The following ZNF804B variants were observed in gnomAD, a reference collection of about 807,000 sequenced individuals.
The protein encoded by ZNF804B is zinc finger 804B.
ZNF804B carries 80 observed loss-of-function variants against 101.4 expected under a neutral mutation model. That is an observed-to-expected ratio of 0.79 (90% CI 0.66 to 0.95). ZNF804B has a LOEUF of 0.95. Ranked by LOEUF, ZNF804B falls within the 40% of genes least tolerant of loss-of-function variation. The pLI, the probability that ZNF804B is intolerant of heterozygous loss-of-function variation, is 0.00. For missense variants in ZNF804B, 1,673 were observed against 1,561.9 expected, an observed-to-expected ratio of 1.07 and a Z score of -1.20; for synonymous variants, 622 against 558.8, an observed-to-expected ratio of 1.11 and a Z score of -1.59.
intron 1 of ZNF804B, among the ~76,000 whole-genome samples, chr7:89,137,866 A>C (rs939942824): frequency 2.0e-5 from 3 of 152,052 alleles, no homozygotes; most frequent in Non-Finnish European, 4.4e-5. Flanking sequence ...GAGGCCTAGT[A>C]GAAAAGCATG....
chr7:89,176,222 G>A (rs1220149087), intron 1 of ZNF804B, among the ~76,000 whole-genome samples: 1 of 151,778 alleles, frequency 6.6e-6, no homozygotes, highest in African/African-American at 2.4e-5. Flanking sequence ...TCTGTATATG[G>A]GTCTGTCATA....
chr7:88,895,917 A>T (rs981496202), intron 1 of ZNF804B, among the ~76,000 whole-genome samples: 1 of 152,216 alleles, frequency 6.6e-6, no homozygotes, highest in African/African-American at 2.4e-5. Context: ...ATGCAGAAGA[A>T]CACCAAATAA....
Position 88,986,995 on chromosome 7 carries a change from T to C in ZNF804B, c.108+226911T>C, listed in dbSNP as rs376970518. ...TGAGATAACTTGAGTCATTTCTTTC[T>C]TTGGAGCCTGTTATTCAAAATTCTC... On this transcript the variant is annotated intron_variant, in intron 1 of 3. Coordinates refer to ENST00000333190, the MANE Select transcript of ZNF804B (RefSeq NM_181646.5). Among the ~76,000 whole-genome samples the C allele has an allele frequency of 1.2e-4, 19 of 152,268 alleles. 1 individual carries two copies. The East Asian group carries it at 2.7e-3, about 22-fold the overall frequency.
At chr7:89,131,337 A>G (rs1409593317) in intron 1 of ZNF804B, among the ~76,000 whole-genome samples, 4 of 152,078 alleles carry the variant, frequency 2.6e-5, no homozygotes, top group Non-Finnish European at 2.9e-5. Flanking sequence ...CCAAAGTGGT[A>G]TAAACATTAA....
At chr7:89,013,662 T>G (rs2116198330) in intron 1 of ZNF804B, among the ~76,000 whole-genome samples, 1 of 152,350 alleles carries the variant, frequency 6.6e-6, no homozygotes, top group South Asian at 2.1e-4. Flanking sequence ...TCTCTTTAGC[T>G]ATTTGAAATT....
At chr7:88,798,772 C>T (rs759018609) in intron 1 of ZNF804B, among the ~76,000 whole-genome samples, 2 of 152,074 alleles carry the variant, frequency 1.3e-5, no homozygotes, top group Non-Finnish European at 2.9e-5. Flanking sequence ...TAGAATTGTA[C>T]ACTCTCTGCT....
chr7:89,055,735 C>T (rs1584098576), intron 1 of ZNF804B, among the ~76,000 whole-genome samples: 1 of 151,952 alleles, frequency 6.6e-6, no homozygotes, highest in African/African-American at 2.4e-5. Context: ...AATATGGCAG[C>T]CAGGGAAACC....
At chr7:89,115,908 T>G (rs1465909009) in intron 1 of ZNF804B, among the ~76,000 whole-genome samples, 2 of 150,760 alleles carry the variant, frequency 1.3e-5, no homozygotes, top group African/African-American at 2.4e-5. Context: ...TTTTTTGTTT[T>G]TTTTTTTCTT....
chr7:89,285,459 C>T (rs1790173458), intron 2 of ZNF804B, among the ~76,000 whole-genome samples: 1 of 131,130 alleles, frequency 7.6e-6, no homozygotes, highest in Non-Finnish European at 1.6e-5. Context: ...GGAGGCAGAG[C>T]TTGCAGTGAG....
intron 2 of ZNF804B, among the ~76,000 whole-genome samples, chr7:89,284,912 T>C (rs749163170): frequency 3.3e-5 from 5 of 152,034 alleles, no homozygotes; most frequent in Non-Finnish European, 7.4e-5. Context: ...AAGAAAATAA[T>C]TGGAGGCAGG....
chr7:88,897,124 A>G (rs564067379), intron 1 of ZNF804B, among the ~76,000 whole-genome samples: 14 of 152,328 alleles, frequency 9.2e-5, no homozygotes, highest in African/African-American at 3.4e-4. Flanking sequence ...ATATCCATGC[A>G]TTAACCCCCA....
intron 1 of ZNF804B, among the ~76,000 whole-genome samples, chr7:89,159,593 A>G (rs547541559): frequency 8.3e-4 from 127 of 152,248 alleles, no homozygotes; most frequent in Non-Finnish European, 1.7e-3. Flanking sequence ...CTATTACAAC[A>G]AATCTTTAGT....
At chr7:89,223,495 A>G (rs985978354) in intron 2 of ZNF804B, among the ~76,000 whole-genome samples, 1 of 151,888 alleles carries the variant, frequency 6.6e-6, no homozygotes, top group African/African-American at 2.4e-5. Context: ...TAGACGAGTA[A>G]GTCAACACAC....
chr7:89,174,738 C>T (rs1398893171), intron 1 of ZNF804B, among the ~76,000 whole-genome samples: 1 of 151,810 alleles, frequency 6.6e-6, no homozygotes, highest in Admixed American at 6.6e-5. Context: ...TTTCCTTTTC[C>T]ATATCTTTGC....
At chr7:88,912,789 G>A (rs1399035417) in intron 1 of ZNF804B, among the ~76,000 whole-genome samples, 1 of 152,064 alleles carries the variant, frequency 6.6e-6, no homozygotes, top group Non-Finnish European at 1.5e-5. Context: ...TTACAGTGTG[G>A]ATTTTACTTT....
At chr7:89,233,000 C>A (rs886599734) in intron 2 of ZNF804B, among the ~76,000 whole-genome samples, 2 of 152,140 alleles carry the variant, frequency 1.3e-5, no homozygotes, top group African/African-American at 4.8e-5. Flanking sequence ...CCACTCACTG[C>A]AAGCTCCGCC....
At chr7:89,050,432 A>G (rs1789182064) in intron 1 of ZNF804B, among the ~76,000 whole-genome samples, 1 of 152,160 alleles carries the variant, frequency 6.6e-6, no homozygotes, top group South Asian at 2.1e-4. Context: ...CAAACGGGGA[A>G]TTGGCAAAAT....
intron 1 of ZNF804B, among the ~76,000 whole-genome samples, chr7:88,931,851 T>C (rs969344507): frequency 6.6e-6 from 1 of 151,894 alleles, no homozygotes; most frequent in Admixed American, 6.6e-5. Context: ...TTGTTCACAC[T>C]TGATCAATTG....
At chr7:89,093,500 A>C (rs1789925480) in intron 1 of ZNF804B, among the ~76,000 whole-genome samples, 1 of 152,230 alleles carries the variant, frequency 6.6e-6, no homozygotes, top group Admixed American at 6.5e-5. Context: ...TTTGTGTTTT[A>C]AAGTTCTAGG....
Sources: allele counts gnomAD v4.1 joint callset (sites outside exome capture counted in the v4.1 genomes callset), GRCh38; gene constraint gnomAD v4.1.1; transcripts MANE v1.5; gene names NCBI Gene and HGNC (gene_info 2026-07-23, HGNC 2026-07-21).